The following BOP1 variants were observed in gnomAD, a reference collection of about 807,000 sequenced individuals.
BOP1 encodes ribosome biogenesis protein BOP1.
BOP1 carries 54 observed loss-of-function variants against 82.9 expected under a neutral mutation model. The ratio of observed to expected loss-of-function variants is 0.65; its 90% CI spans 0.52 to 0.82. The LOEUF is 0.82. Among genes scored for constraint, BOP1 ranks in the 40% least tolerant of loss-of-function variants. BOP1 has a pLI of 0.00. For missense variants in BOP1, 1,170 were observed against 1,072.0 expected, an observed-to-expected ratio of 1.09 and a Z score of -1.28; for synonymous variants, 566 against 451.1, an observed-to-expected ratio of 1.25 and a Z score of -3.23.
rs1554839848 is a variant in BOP1, at chr8:144,289,315, A to T, written c.100-11T>A. On this transcript the variant is annotated splice_polypyrimidine_tract_variant and intron_variant, in intron 1 of 15. Transcript: ENST00000569669. ...GCAGAGGAGGGGGGGCTGCAAGGAAACACTGGGTTGGTGACAACTGCCCCT... is the reference window on the plus strand; with the variant it reads ...GCAGAGGAGGGGGGGCTGCAAGGAATCACTGGGTTGGTGACAACTGCCCCT... 6.2e-7 allele frequency: 1 copy of T among 1,612,614 alleles called. No homozygotes were observed. The highest frequency in any genetic ancestry group is 8.5e-7 in the Non-Finnish European group (1 of 1,179,478).
At chr8:144,269,117 C>T (rs1271460833) in intron 3 of BOP1, among the ~76,000 whole-genome samples, 1 of 152,326 alleles carries the variant, frequency 6.6e-6, no homozygotes, top group East Asian at 1.9e-4. Context: ...CCATCCAGCC[C>T]CCTGAAGACC....
At position 144,263,239 on chromosome 8, in the gene BOP1, C is replaced by T. The variant is rs1286892936; in HGVS notation, c.1587G>A (p.Leu529=). The change falls in exon 12 of 16, where the codon CTG becomes CTA. Residue 529 remains leucine, a synonymous_variant. Transcript: ENST00000569669. The part of the protein sequence containing the change: ...SEEERQVGLR[L]RICHGKPVTQ... The stretch of plus-strand genomic sequence containing the variant: ...CACGTACCTTCCCGTGGCAGATGCG[C>T]AGCCGCAGGCCCACTTGGCGCTCCT... 1 of 1,594,844 alleles carries T rather than the reference C, an allele frequency of 6.3e-7. No individual in the cohort carries two copies. Among genetic ancestry groups the T allele is most frequent in the South Asian group, 1.1e-5 (1 of 90,816 alleles).
Position 144,276,299 on chromosome 8 carries a change from G to A in BOP1, c.315C>T (p.Ser105=). The stretch of plus-strand genomic sequence containing the variant: ...CCATCTCTGTCCTCGGGCAAGGAGT[G>A]CTGGCCTGCAGAGAGAGAGAGAAAA... The part of the protein sequence containing the change: ...KKTTEEQVQA[S]TPCPRTEMAS... The change falls in exon 3 of 16, where the codon AGC becomes AGT. Residue 105 remains serine (S), a synonymous_variant. Transcript: ENST00000569669. 6.2e-7 allele frequency: 1 copy of A among 1,613,244 alleles called. No individual in the cohort carries two copies. The highest frequency in any genetic ancestry group is 1.1e-5 in the South Asian group (1 of 91,078).
chr8:144,283,221 A>T (rs920339737), intron 2 of BOP1, among the ~76,000 whole-genome samples: 1 of 150,126 alleles, frequency 6.7e-6, no homozygotes, highest in Non-Finnish European at 1.5e-5. Context: ...AAAAAAAAAA[A>T]AAAAGAAAGG....
intron 3 of BOP1, chr8:144,266,672 GC>G: frequency 7.9e-7 from 1 of 1,261,080 alleles, no homozygotes; most frequent in South Asian, 1.4e-5. Flanking sequence ...CCCGAGGTGA[GC>G]CCGCTGTCGG....
At chr8:144,275,697 G>A (rs1433351432) in intron 3 of BOP1, among the ~76,000 whole-genome samples, 1 of 152,160 alleles carries the variant, frequency 6.6e-6, no homozygotes, top group Non-Finnish European at 1.5e-5. Flanking sequence ...GGGGTGGGGG[G>A]CAGGGGGACC....
chr8:144,272,194 C>A (rs1295172053), intron 3 of BOP1, among the ~76,000 whole-genome samples: 1 of 152,128 alleles, frequency 6.6e-6, no homozygotes, highest in African/African-American at 2.4e-5. Context: ...CAGTGCTCAC[C>A]CCTCCTCGGC....
intron 2 of BOP1, among the ~76,000 whole-genome samples, chr8:144,280,039 G>A (rs1324052883): frequency 2.6e-5 from 4 of 152,196 alleles, no homozygotes; most frequent in Non-Finnish European, 4.4e-5. Context: ...TACTCAGGGT[G>A]TACTGACCCT....
At chr8:144,272,291 C>A (rs1326150476) in intron 3 of BOP1, among the ~76,000 whole-genome samples, 5 of 152,296 alleles carry the variant, frequency 3.3e-5, no homozygotes, top group Admixed American at 3.3e-4. Flanking sequence ...CAGCCCCCAA[C>A]TCCGGACACC....
chr8:144,276,208 G>T lies in BOP1; in HGVS notation c.390+16C>A, dbSNP rs1222745322. Reference sequence around the variant, plus strand: ...GCCGCCCCACCCTGCCCAGTGGGAAGCAGCCCCAGTCCTACCTCCTCATCA... The same window carrying T: ...GCCGCCCCACCCTGCCCAGTGGGAATCAGCCCCAGTCCTACCTCCTCATCA... On this transcript the variant is annotated intron_variant, in intron 3 of 15. Transcript: ENST00000569669. 70 of 1,612,414 alleles carry T rather than the reference G, an allele frequency of 4.3e-5. No homozygotes were observed. The highest frequency in any genetic ancestry group is 5.5e-5 in the Non-Finnish European group (65 of 1,179,654).
chr8:144,279,501 G>A (rs1272862565), intron 2 of BOP1, among the ~76,000 whole-genome samples: 1 of 152,212 alleles, frequency 6.6e-6, no homozygotes, highest in Non-Finnish European at 1.5e-5. Context: ...GTGCAGAGAG[G>A]GGCCCAAGGA....
At chr8:144,286,253 C>T (rs1814864471) in intron 2 of BOP1, among the ~76,000 whole-genome samples, 1 of 152,266 alleles carries the variant, frequency 6.6e-6, no homozygotes, top group East Asian at 1.9e-4. Context: ...ATGAGGATCA[C>T]ACTTTAGAAC....
At chr8:144,276,063 G>C (rs1284387504) in intron 3 of BOP1, among the ~76,000 whole-genome samples, 161 bp downstream of exon 3, 4 of 152,176 alleles carry the variant, frequency 2.6e-5, no homozygotes, top group Admixed American at 1.3e-4. Flanking sequence ...TCTTGCAGAT[G>C]GGGAAGCAGG....
intron 2 of BOP1, among the ~76,000 whole-genome samples, chr8:144,278,243 G>GGTGCCAGGAGCTCAGCA (rs58097203): frequency 2.6e-5 from 4 of 151,698 alleles, no homozygotes; most frequent in South Asian, 4.1e-4. Context: ...GCAAGGACGA[G>GGTGCCAGGAGCTCAGCA]GTGCCAGCAG....
At chr8:144,285,564 C>G (rs921017403) in intron 2 of BOP1, among the ~76,000 whole-genome samples, 1 of 152,374 alleles carries the variant, frequency 6.6e-6, no homozygotes, top group African/African-American at 2.4e-5. Flanking sequence ...TCTGCAAGAC[C>G]ACACGAGTGG....
In BOP1 at chr8:144,262,238, C is replaced by A; in HGVS notation, c.2167G>T (p.Asp723Tyr). The A allele has an allele frequency of 1.2e-6, 2 of 1,612,732 alleles. No individual in the cohort carries two copies. The highest frequency in any genetic ancestry group is 2.7e-5 in the African/African-American group (2 of 75,010). The change falls in exon 16 of 16, where the codon GAC becomes TAC. Residue 723 changes from aspartate (D) to tyrosine (Y), a missense_variant. Physicochemically the swap from Asp to Tyr is radical, Grantham distance 160. Transcript: ENST00000569669. ...GGCTGGGTGGGGTGGAAGATGACGT[C>A]CAGCACTCCCAGATCTCGGGTCAGC... ...HVLTRDLGVL[D>Y]VIFHPTQPWV... is the part of the protein sequence containing the mutation.
At chr8:144,269,528 A>C (rs974895021) in intron 3 of BOP1, among the ~76,000 whole-genome samples, 2 of 152,236 alleles carry the variant, frequency 1.3e-5, no homozygotes, top group African/African-American at 4.8e-5. Flanking sequence ...TTTTGGAGGA[A>C]ATTCTCAAAG....
At position 144,262,404 on chromosome 8, in the gene BOP1, C is replaced by T; in HGVS notation, c.2079G>A (p.Met693Ile). 4.3e-6 allele frequency: 7 copies of T among 1,612,766 alleles called. No homozygotes were observed. The highest frequency in any genetic ancestry group is 5.9e-6 in the Non-Finnish European group (7 of 1,179,814). ...DDGSVIVCHGMVYNDLLQNPL... is the reference protein window; with the variant it reads ...DDGSVIVCHGIVYNDLLQNPL... ...GCAGGGTCAGCACTCACTTGTACACCATGCCATGGCAGACGATGACACTGC... is the reference window on the plus strand; with the variant it reads ...GCAGGGTCAGCACTCACTTGTACACTATGCCATGGCAGACGATGACACTGC... The change falls in exon 15 of 16, where the codon ATG becomes ATA. Residue 693 changes from methionine to isoleucine, a missense_variant. By Grantham distance (10) the Met-to-Ile change is conservative (BLOSUM62 1). Coordinates refer to ENST00000569669, the MANE Select transcript of BOP1 (RefSeq NM_015201.5).
chr8:144,273,830 C>A (rs1845531258), intron 3 of BOP1, among the ~76,000 whole-genome samples: 1 of 150,854 alleles, frequency 6.6e-6, no homozygotes, highest in African/African-American at 2.5e-5. Context: ...CCCAGCCAGG[C>A]CCAGCGCCTC....
Sources: gnomAD v4.1 joint callset for allele counts (sites outside exome capture counted in the v4.1 genomes callset) on GRCh38, gnomAD v4.1.1 for gene constraint, MANE v1.5 for transcripts, NCBI Gene and HGNC (gene_info 2026-07-23, HGNC 2026-07-21) for gene names.